NEK7: variants seen among roughly 807,000 people sequenced by gnomAD.
The protein encoded by NEK7 is NIMA related kinase 7.
NEK7 carries 18 observed loss-of-function variants against 44.6 expected under a neutral mutation model. The ratio of observed to expected loss-of-function variants is 0.40; its 90% CI spans 0.28 to 0.60. The LOEUF is 0.60. Ranked by LOEUF, NEK7 falls within the 20% of genes least tolerant of loss-of-function variation. NEK7 has a pLI of 0.38. For missense variants in NEK7, 256 were observed against 366.5 expected, an observed-to-expected ratio of 0.70 and a Z score of 2.46; for synonymous variants, 130 against 121.1, an observed-to-expected ratio of 1.07 and a Z score of -0.48.
chr1:198,286,322 T>C (rs886205235), intron 7 of NEK7, among the ~76,000 whole-genome samples: 5 of 152,180 alleles, frequency 3.3e-5, no homozygotes, highest in Admixed American at 1.3e-4. Context: ...TTAACCATAT[T>C]ATTCTTCTTT....
intron 9 of NEK7, among the ~76,000 whole-genome samples, chr1:198,312,365 T>G (rs1040608388): frequency 6.6e-6 from 1 of 151,166 alleles, no homozygotes; most frequent in Non-Finnish European, 1.5e-5. Flanking sequence ...GTCTATCAAT[T>G]TTGTTGATCC....
rs1342671450 is a variant in NEK7, at chr1:198,321,238, A to G, written c.*1716A>G. 2.0e-5 allele frequency: 3 copies of G among 152,212 alleles called. No homozygotes were observed. The highest frequency in any genetic ancestry group is 7.2e-5 in the African/African-American group (3 of 41,458). 9.4% of individuals were successfully genotyped at this position (152,212 alleles called of 1,614,324 possible). A position where few individuals can be genotyped will look rare whatever the true frequency, so the allele number is the denominator to read the frequency against. On this transcript the variant is annotated 3_prime_UTR_variant, in exon 10 of 10. Transcript: ENST00000367385. ...TTTTCTGAAATCTAATCAGTTATGT[A>G]TGGTTTCTGAAGGGTAATTTTATTT...
At chr1:198,301,202 A>C (rs1048584139) in intron 9 of NEK7, among the ~76,000 whole-genome samples, 1 of 152,220 alleles carries the variant, frequency 6.6e-6, no homozygotes, top group African/African-American at 2.4e-5. Context: ...TCCTAGTTTA[A>C]ATAGAGAAGG....
At chr1:198,304,710 T>C (rs533227013) in intron 9 of NEK7, among the ~76,000 whole-genome samples, 61 of 152,286 alleles carry the variant, frequency 4.0e-4, no homozygotes, top group African/African-American at 1.4e-3. Flanking sequence ...TTTTAATATT[T>C]CTGGTATCAA....
chr1:198,259,961 G>GTTAATT lies in NEK7; in HGVS notation c.199-2611_199-2606dup, dbSNP rs549574829. On this transcript the variant is annotated intron_variant, in intron 3 of 9. Transcript: ENST00000367385. ...AACAAGTAGCACTTACAAGTTGCGTGTTAATTTTCTGTGTTGCAGTCTGCA... is the reference window on the plus strand; with the variant it reads ...AACAAGTAGCACTTACAAGTTGCGTGTTAATTTTAATTTTCTGTGTTGCAGTCTGCA... Among the ~76,000 whole-genome samples, 16 of 152,258 alleles carry GTTAATT rather than the reference G, an allele frequency of 1.1e-4. No individual in the cohort carries two copies. In the East Asian group the frequency reaches 3.1e-3, roughly 29 times the overall value.
intron 1 of NEK7, among the ~76,000 whole-genome samples, chr1:198,182,835 A>G (rs952405733): frequency 3.9e-5 from 6 of 152,202 alleles, no homozygotes; most frequent in Non-Finnish European, 7.4e-5. Context: ...GGAATCTACT[A>G]CAGACTTTGT....
chr1:198,304,683 T>C (rs1363590080), intron 9 of NEK7, among the ~76,000 whole-genome samples: 1 of 152,186 alleles, frequency 6.6e-6, no homozygotes, highest in Non-Finnish European at 1.5e-5. Context: ...CAACAATGAC[T>C]GTTAACATTG....
intron 2 of NEK7, among the ~76,000 whole-genome samples, chr1:198,235,920 A>G (rs1666533625): frequency 6.6e-6 from 1 of 152,204 alleles, no homozygotes; most frequent in Admixed American, 6.5e-5. Flanking sequence ...CAGTGTGGAA[A>G]GTATGAAAAT....
chr1:198,273,829 C>T (rs1053760886), intron 5 of NEK7, among the ~76,000 whole-genome samples: 1 of 151,644 alleles, frequency 6.6e-6, no homozygotes, highest in African/African-American at 2.4e-5. Context: ...TTTATTATTT[C>T]TGTTTTATTT....
intron 1 of NEK7, among the ~76,000 whole-genome samples, chr1:198,224,070 A>C (rs1307290306): frequency 1.3e-5 from 2 of 152,174 alleles, no homozygotes; most frequent in Admixed American, 6.5e-5. Context: ...AATGATATGA[A>C]ATGGTTATTG....
At chr1:198,308,359 A>T (rs1217177684) in intron 9 of NEK7, among the ~76,000 whole-genome samples, 1 of 152,176 alleles carries the variant, frequency 6.6e-6, no homozygotes. Context: ...TAAACCCAAA[A>T]TTCAGGCGTT....
At chr1:198,253,289 G>T (rs1653137841) in intron 3 of NEK7, 109 bp downstream of exon 3, 4 of 678,694 alleles carry the variant, frequency 5.9e-6, no homozygotes, top group Non-Finnish European at 9.5e-6. Context: ...AGTTGAGAAT[G>T]CTGGGAAAGA....
At chr1:198,256,334 C>T (rs1174693168) in intron 3 of NEK7, 1 of 1,604,738 alleles carries the variant, frequency 6.2e-7, no homozygotes, top group Non-Finnish European at 8.5e-7. Context: ...GCAGGTTTGC[C>T]TGTTACCTGT....
At chr1:198,309,712 C>T (rs577663613) in intron 9 of NEK7, among the ~76,000 whole-genome samples, 4,125 of 151,504 alleles carry the variant, frequency 0.027, 80 homozygotes, top group Middle Eastern at 0.054. Context: ...TTTGTTCTTG[C>T]GATAGTTTAC....
intron 2 of NEK7, among the ~76,000 whole-genome samples, chr1:198,242,877 C>G (rs1666729277): frequency 7.3e-6 from 1 of 136,386 alleles, no homozygotes; most frequent in Non-Finnish European, 1.6e-5. Flanking sequence ...GCCATGTTTT[C>G]CAGGGTGGTC....
At chr1:198,270,706 A>G (rs1243955696) in intron 5 of NEK7, among the ~76,000 whole-genome samples, 2 of 152,086 alleles carry the variant, frequency 1.3e-5, no homozygotes, top group Admixed American at 1.3e-4. Flanking sequence ...TTCTTTATAC[A>G]TACATAAGAT....
At chr1:198,227,273 G>T (rs1666254490) in intron 1 of NEK7, among the ~76,000 whole-genome samples, 1 of 152,110 alleles carries the variant, frequency 6.6e-6, no homozygotes, top group African/African-American at 2.4e-5. Flanking sequence ...TATCATTGTT[G>T]GGCATTTGGG....
intron 2 of NEK7, among the ~76,000 whole-genome samples, chr1:198,233,730 T>C (rs1056681134): frequency 6.6e-6 from 1 of 151,708 alleles, no homozygotes; most frequent in Non-Finnish European, 1.5e-5. Context: ...TCCAAACTTA[T>C]TTGTCTATGG....
chr1:198,164,086 C>CAAT (rs1222799095), intron 1 of NEK7, among the ~76,000 whole-genome samples: 16 of 147,110 alleles, frequency 1.1e-4, no homozygotes, highest in African/African-American at 4.3e-4. Context: ...ACTAAAAATG[C>CAAT]AACAACAACA....
Sources: allele counts gnomAD v4.1 joint callset (sites outside exome capture counted in the v4.1 genomes callset), GRCh38; gene constraint gnomAD v4.1.1; transcripts MANE v1.5; gene names NCBI Gene and HGNC (gene_info 2026-07-23, HGNC 2026-07-21).